Variants in RGS7 observed in about 807,000 individuals in gnomAD.
RGS7 encodes the protein regulator of G-protein signaling 7.
A neutral mutation model predicts 81.1 loss-of-function variants in RGS7; 27 were observed. The observed-to-expected ratio is 0.33, with a 90% confidence interval of 0.25 to 0.46. RGS7 has a LOEUF of 0.46. RGS7 is among the 20% of genes least tolerant of loss of function. RGS7 has a pLI of 1.00. For missense variants in RGS7, 396 were observed against 607.4 expected, an observed-to-expected ratio of 0.65 and a Z score of 3.66; for synonymous variants, 208 against 207.7, an observed-to-expected ratio of 1.00 and a Z score of -0.01.
At position 241,188,287 on chromosome 1, in the gene RGS7, A is replaced by T. The variant is rs574530401; in HGVS notation, c.79-89525T>A. Among the ~76,000 whole-genome samples, 28 of 77,620 alleles carry T rather than the reference A, an allele frequency of 3.6e-4. No individual in the cohort carries two copies. The Admixed American group carries it at 3.7e-3, about 10-fold the overall frequency. 50.9% of individuals were successfully genotyped at this position (77,620 alleles called of 152,430 possible). On this transcript the variant is annotated intron_variant, in intron 2 of 18. Transcript: ENST00000440928. The stretch of plus-strand genomic sequence containing the variant: ...ATTATAGTCCTTTTCTTTTATCCTC[A>T]CACACACACACACACACACACACAC...
chr1:241,271,565 G>C lies in RGS7; in HGVS notation c.78+84134C>G, dbSNP rs2077897920. 6.6e-6 allele frequency among the ~76,000 whole-genome samples: 1 copy of C among 152,214 alleles called. No individual in the cohort carries two copies. The highest frequency in any genetic ancestry group is 6.5e-5 in the Admixed American group (1 of 15,282). On this transcript the variant is annotated intron_variant, in intron 2 of 18. Coordinates refer to ENST00000440928, the MANE Select transcript of RGS7 (RefSeq NM_001364886.1). The surrounding 1 kb of genome is among the most constrained non-coding windows in gnomAD (Gnocchi z 4.6). ...TTAAACATTATTTTTGGGTGTGTCT[G>C]TGAGAGGCTTTCTGGAAGAAATTAG...
At chr1:241,032,905 T>C (rs1169805551) in intron 3 of RGS7, among the ~76,000 whole-genome samples, 2 of 152,222 alleles carry the variant, frequency 1.3e-5, no homozygotes, top group Non-Finnish European at 2.9e-5. Flanking sequence ...TTTATAGGTA[T>C]AAGATCATAT....
intron 6 of RGS7, among the ~76,000 whole-genome samples, chr1:240,875,210 G>A (rs1036579137): frequency 1.3e-5 from 2 of 152,158 alleles, no homozygotes; most frequent in Non-Finnish European, 2.9e-5. Flanking sequence ...CCCAGGCCCT[G>A]GTAATCACCA....
intron 18 of RGS7, among the ~76,000 whole-genome samples, chr1:240,798,475 A>G (rs1404735152): frequency 1.3e-5 from 2 of 152,180 alleles, no homozygotes; most frequent in Non-Finnish European, 2.9e-5. Flanking sequence ...GGTGGGTATC[A>G]TCAGGTGGCA....
intron 2 of RGS7, among the ~76,000 whole-genome samples, chr1:241,140,515 C>T (rs114603668): frequency 0.01 from 1,584 of 152,262 alleles, 26 homozygotes; most frequent in African/African-American, 0.036. Flanking sequence ...GTGATGCTTC[C>T]GCCTTGGCCT....
chr1:241,050,388 G>T (rs2061183708), intron 3 of RGS7, among the ~76,000 whole-genome samples: 1 of 152,176 alleles, frequency 6.6e-6, no homozygotes, highest in African/African-American at 2.4e-5. Context: ...TAGGCTAGAG[G>T]CTGGGGTTAG....
chr1:240,794,602 G>A (rs1272460090), intron 18 of RGS7, among the ~76,000 whole-genome samples: 1 of 152,148 alleles, frequency 6.6e-6, no homozygotes, highest in Non-Finnish European at 1.5e-5. Flanking sequence ...AAAGTCCAGA[G>A]TGTTCAGCCA....
At chr1:240,901,651 C>T (rs1670033461) in intron 6 of RGS7, among the ~76,000 whole-genome samples, 1 of 152,114 alleles carries the variant, frequency 6.6e-6, no homozygotes, top group African/African-American at 2.4e-5. Flanking sequence ...TTATTGCTTC[C>T]CTGGGTTGGT....
intron 3 of RGS7, among the ~76,000 whole-genome samples, chr1:240,985,954 T>TAAATAAAA (rs2148569685): frequency 1.6e-5 from 2 of 123,342 alleles, no homozygotes; most frequent in African/African-American, 8.2e-5. Context: ...TTATATTAAA[T>TAAATAAAA]AAATAAATAA....
chr1:241,333,775 A>T (rs2082094433), intron 2 of RGS7, among the ~76,000 whole-genome samples: 1 of 152,082 alleles, frequency 6.6e-6, no homozygotes, highest in South Asian at 2.1e-4. Flanking sequence ...TCTATTAGCA[A>T]GATTATTAAA....
At chr1:241,061,312 G>A (rs888890885) in intron 3 of RGS7, among the ~76,000 whole-genome samples, 4 of 152,208 alleles carry the variant, frequency 2.6e-5, no homozygotes, top group Non-Finnish European at 5.9e-5. Context: ...TGTTGAAGCT[G>A]TGTTATCCAA....
rs1213639734 is a variant in RGS7 at position 241,176,448 on chromosome 1, T to C, written c.79-77686A>G. The stretch of plus-strand genomic sequence containing the variant: ...TAGTTATTTCTGGGTCAGTGTCTTC[T>C]GAGCCAGAATCCTCAAGTGCATTTC... On this transcript the variant is annotated intron_variant, in intron 2 of 18. Coordinates refer to ENST00000440928, the MANE Select transcript of RGS7 (RefSeq NM_001364886.1). 2.0e-5 allele frequency among the ~76,000 whole-genome samples: 3 copies of C among 152,280 alleles called. No homozygotes were observed. The East Asian group carries it at 5.8e-4, about 29-fold the overall frequency.
intron 2 of RGS7, among the ~76,000 whole-genome samples, chr1:241,166,129 A>C (rs186125958): frequency 6.6e-6 from 1 of 152,322 alleles, no homozygotes; most frequent in Non-Finnish European, 1.5e-5. Context: ...AAAACACAGG[A>C]GACTGATTTA....
chr1:240,812,264 T>C (rs1266228176), intron 13 of RGS7, among the ~76,000 whole-genome samples: 1 of 152,120 alleles, frequency 6.6e-6, no homozygotes. Context: ...CCAGGCACTT[T>C]ACATAAATGG....
intron 2 of RGS7, among the ~76,000 whole-genome samples, chr1:241,207,348 C>CATATATATATAGATATATATATATATAT (rs2073979040): frequency 7.0e-6 from 1 of 143,674 alleles, no homozygotes; most frequent in Non-Finnish European, 1.5e-5. Context: ...CTTTAAAATG[C>CATATATATATAGATATATATATATATAT]ATATATATAT....
chr1:240,890,168 T>C (rs139001204), intron 6 of RGS7, among the ~76,000 whole-genome samples: 66 of 152,332 alleles, frequency 4.3e-4, no homozygotes, highest in African/African-American at 1.4e-3. Flanking sequence ...CTTCTTTTTT[T>C]TTTGAGACGG....
At chr1:241,063,627 T>C (rs1050104313) in intron 3 of RGS7, among the ~76,000 whole-genome samples, 1 of 152,204 alleles carries the variant, frequency 6.6e-6, no homozygotes, top group Non-Finnish European at 1.5e-5. Flanking sequence ...TGATCTGGAC[T>C]CAGGTATTAT....
downstream of RGS7, among the ~76,000 whole-genome samples, chr1:240,775,288 T>C (rs1432812512): frequency 1.3e-5 from 2 of 152,208 alleles, no homozygotes; most frequent in African/African-American, 4.8e-5. Context: ...ATGTGGAACA[T>C]CAATTTGTGT....
chr1:241,156,536 T>G (rs1404601404), intron 2 of RGS7, among the ~76,000 whole-genome samples: 1 of 130,618 alleles, frequency 7.7e-6, no homozygotes, highest in African/African-American at 3.0e-5. Context: ...AGATAGATGC[T>G]AGATAGATGA....
Sources: allele counts gnomAD v4.1 joint callset (sites outside exome capture counted in the v4.1 genomes callset), GRCh38; gene constraint gnomAD v4.1.1; non-coding constraint Gnocchi (gnomAD v3.1); transcripts MANE v1.5; gene names NCBI Gene and HGNC (gene_info 2026-07-23, HGNC 2026-07-21).